Variants in CD1D observed in about 807,000 individuals in gnomAD.
CD1D encodes the protein CD1d molecule.
Under a neutral mutation model 42.1 loss-of-function variants are expected in CD1D, and 40 were observed. The observed-to-expected ratio is 0.95, with a 90% CI of 0.74 to 1.24. The LOEUF is 1.24. CD1D is among the 50% of genes most tolerant of loss of function. The pLI is 0.00. For missense variants in CD1D, 437 were observed against 416.5 expected, an observed-to-expected ratio of 1.05 and a Z score of -0.43; for synonymous variants, 178 against 171.8, an observed-to-expected ratio of 1.04 and a Z score of -0.28.
chr1:158,182,290 A>G lies in CD1D; in HGVS notation c.587A>G (p.Lys196Arg), dbSNP rs773729311. 2.5e-5 allele frequency: 41 copies of G among 1,614,046 alleles called. No homozygotes were observed. The East Asian group carries it at 8.0e-4, about 32-fold the overall frequency. ...QFVSGLLESG[K>R]SELKKQVKPK... ...GTCAGTGGCCTCCTTGAGTCAGGGA[A>G]GTCGGAACTGAAGAAGCAAGGTCAG... Residue 196 changes from lysine (K) to arginine (R), a missense_variant, in exon 3 of 6, where the codon AAG becomes AGG. Physicochemically the swap from Lys to Arg is conservative, Grantham distance 26. Transcript: ENST00000674085.
rs1648658699 is a variant in CD1D, at chr1:158,185,313, T to C, written c.*1163T>C. Among the ~76,000 whole-genome samples, 2 of 152,046 alleles carry C rather than the reference T, an allele frequency of 1.3e-5. No homozygotes were observed. The highest frequency in any genetic ancestry group is 2.4e-5 in the African/African-American group (1 of 41,392). On this transcript the variant is annotated 3_prime_UTR_variant, in exon 6 of 6. Transcript: ENST00000674085. ...TAAGTGAGACTTAACGGTTGGAGAG[T>C]GTTTGCTTGAGAAAAGTAACATTTC...
At chr1:158,180,774 T>G, upstream of CD1D, 1 of 311,858 alleles carries the variant, frequency 3.2e-6, no homozygotes, top group Non-Finnish European at 5.9e-6. Context: ...TAAATAATGG[T>G]TGTAAAGCGT....
At position 158,184,142 on chromosome 1, in the gene CD1D, G is replaced by T. The variant is rs777157013; in HGVS notation, c.1000G>T (p.Val334Phe). ...RFKRQTSYQG[V>F]L Reference sequence around the variant, plus strand: ...ATTCTCTCACAGTTCCTATCAGGGCGTCCTGTGACTCGCCTTGCCACATCT... The same window carrying T: ...ATTCTCTCACAGTTCCTATCAGGGCTTCCTGTGACTCGCCTTGCCACATCT... Residue 334 changes from valine to phenylalanine, a missense_variant, in exon 6 of 6, where the codon GTC becomes TTC. By Grantham distance (50) the Val-to-Phe change is conservative. Coordinates refer to ENST00000674085, the MANE Select transcript of CD1D (RefSeq NM_001371762.2). 6 of 1,613,856 alleles carry T rather than the reference G, an allele frequency of 3.7e-6. No individual in the cohort carries two copies. Among genetic ancestry groups the T allele is most frequent in the Non-Finnish European group, 5.1e-6 (6 of 1,179,992 alleles).
At chr1:158,179,186 TTTC>T (rs199958225), upstream of CD1D, among the ~76,000 whole-genome samples, 1,701 of 152,374 alleles carry the variant, frequency 0.011, 30 homozygotes, top group African/African-American at 0.038. Context: ...TATAATTATT[TTTC>T]TTTTTATTTC....
rs900827488 is a variant in CD1D at position 158,185,029 on chromosome 1, AAC to A, written c.*881_*882del. 5 of 152,218 alleles carry A rather than the reference AAC, an allele frequency of 3.3e-5. No individual in the cohort carries two copies. The highest frequency in any genetic ancestry group is 5.9e-5 in the Non-Finnish European group (4 of 68,040). 9.4% of individuals were successfully genotyped at this position (152,218 alleles called of 1,614,324 possible). On this transcript the variant is annotated 3_prime_UTR_variant, in exon 6 of 6. Transcript: ENST00000674085. ...TTCCCAAAACGACAACGGCAACAAC[AAC>A]AGTCTCCTTTACTTACAGCTATTAA...
chr1:158,180,767 A>C (rs1215291387), upstream of CD1D: 1 of 297,018 alleles, frequency 3.4e-6, no homozygotes, highest in Non-Finnish European at 6.2e-6. Flanking sequence ...CAAAACATAA[A>C]TAATGGTTGT....
In CD1D at chr1:158,182,073, C is replaced by G; in HGVS notation, c.370C>G (p.Pro124Ala). 1 of 1,613,572 alleles carries G rather than the reference C, an allele frequency of 6.2e-7. No individual in the cohort carries two copies. Among genetic ancestry groups the G allele is most frequent in the Non-Finnish European group, 8.5e-7 (1 of 1,179,666 alleles). ...LQVSAGCEVH[P>A]GNASNNFFHV... ...GGTGTCCGCTGGCTGTGAGGTGCAC[C>G]CTGGGAACGCCTCAAATAACTTCTT... The change falls in exon 3 of 6, where the codon CCT becomes GCT. Residue 124 changes from proline to alanine, a missense_variant. Physicochemically the swap from Pro to Ala is conservative, Grantham distance 27. Coordinates refer to ENST00000674085, the MANE Select transcript of CD1D (RefSeq NM_001371762.2).
Position 158,181,097 on chromosome 1 carries a change from G to A in CD1D, c.-5G>A, listed in dbSNP as rs887258415. On this transcript the variant is annotated 5_prime_UTR_variant, in exon 1 of 6. Coordinates refer to ENST00000674085, the MANE Select transcript of CD1D (RefSeq NM_001371762.2). ...GCGCTCCGCGAGGTCCCCACGCCGG[G>A]CGATATGGGGTGCCTGCTGTTTCTG... 1.2e-5 allele frequency: 18 copies of A among 1,545,916 alleles called. No individual in the cohort carries two copies. The highest frequency in any genetic ancestry group is 4.0e-5 in the Admixed American group (2 of 50,524).
At position 158,182,131 on chromosome 1, in the gene CD1D, G is replaced by T. The variant is rs1308853719; in HGVS notation, c.428G>T (p.Ser143Ile). 1.2e-6 allele frequency: 2 copies of T among 1,614,178 alleles called. No individual in the cohort carries two copies. Among genetic ancestry groups the T allele is most frequent in the Non-Finnish European group, 8.5e-7 (1 of 1,180,032 alleles). ...HVAFQGKDILSFQGTSWEPTQ... is the reference protein window; with the variant it reads ...HVAFQGKDILIFQGTSWEPTQ... ...GCATTTCAAGGAAAAGATATCCTGA[G>T]TTTCCAAGGAACTTCTTGGGAGCCA... The change falls in exon 3 of 6, where the codon AGT becomes ATT. Residue 143 changes from serine (S) to isoleucine (I), a missense_variant. Physicochemically the swap from Ser to Ile is moderately radical, Grantham distance 142. Transcript: ENST00000674085.
upstream of CD1D, chr1:158,180,827 G>A: frequency 2.5e-6 from 1 of 393,182 alleles, no homozygotes; most frequent in Non-Finnish European, 4.5e-6. Flanking sequence ...AGGAAATTGA[G>A]ACACGCCGGT....
chr1:158,180,957 C>G lies in CD1D; in HGVS notation c.-145C>G. 1 of 683,484 alleles carries G rather than the reference C, an allele frequency of 1.5e-6. No individual in the cohort carries two copies. The highest frequency in any genetic ancestry group is 2.2e-6 in the Non-Finnish European group (1 of 450,298). The allele number at this position is 683,484 out of a possible 1,614,324, so 42.3% of individuals were successfully genotyped here. A position where few individuals can be genotyped will look rare whatever the true frequency, so the allele number is the denominator to read the frequency against. On this transcript the variant is annotated 5_prime_UTR_variant, in exon 1 of 6. Transcript: ENST00000674085. The stretch of plus-strand genomic sequence containing the variant: ...AGAAGCAGCAAACCGCCGGCAAGCC[C>G]AGCGAGGAGGGCTGCCGGGGTCTGG...
At position 158,185,764 on chromosome 1, in the gene CD1D, G is replaced by C. The variant is rs184481525; in HGVS notation, c.*1614G>C. ...GACCAACAGCCTCAGCAGGACCTGGGAACTTGTTATAAATGCAAATTGTTT... is the reference window on the plus strand; with the variant it reads ...GACCAACAGCCTCAGCAGGACCTGGCAACTTGTTATAAATGCAAATTGTTT... On this transcript the variant is annotated 3_prime_UTR_variant, in exon 6 of 6. Coordinates refer to ENST00000674085, the MANE Select transcript of CD1D (RefSeq NM_001371762.2). Among the ~76,000 whole-genome samples the C allele has an allele frequency of 6.6e-6, 1 of 152,264 alleles. No homozygotes were observed. The highest frequency in any genetic ancestry group is 1.9e-4 in the East Asian group (1 of 5,184).
At chr1:158,181,804 C>T (rs1185133001) in intron 2 of CD1D, 83 bp downstream of exon 2, 1 of 1,530,082 alleles carries the variant, frequency 6.5e-7, no homozygotes, top group Admixed American at 1.7e-5. Flanking sequence ...TGTGGCACCA[C>T]CTGATGAGAT....
Position 158,182,858 on chromosome 1 carries a change from C to A in CD1D, c.608-20C>A. On this transcript the variant is annotated intron_variant, in intron 3 of 5. Transcript: ENST00000674085. ...AGAGTTTTCACTTTAAGATCCCCCC[C>A]ATTCCCTTGTTGGATACAGTGAAGC... The A allele has an allele frequency of 1.3e-6, 2 of 1,582,902 alleles. No individual in the cohort carries two copies. Among genetic ancestry groups the A allele is most frequent in the Non-Finnish European group, 1.7e-6 (2 of 1,162,872 alleles).
At chr1:158,181,922 C>A in intron 2 of CD1D, 110 bp from the exon 3 acceptor site, 1 of 1,427,108 alleles carries the variant, frequency 7.0e-7, no homozygotes, top group Non-Finnish European at 9.5e-7. Flanking sequence ...CACTTACTTT[C>A]CTTTCCCTGA....
In CD1D at chr1:158,181,179, C is replaced by T. The variant is rs750404873; in HGVS notation, c.61+17C>T. 7.8e-6 allele frequency: 12 copies of T among 1,548,234 alleles called. No individual in the cohort carries two copies. The highest frequency in any genetic ancestry group is 4.3e-4 in the Middle Eastern group (2 of 4,610). On this transcript the variant is annotated intron_variant, in intron 1 of 5. Transcript: ENST00000674085. ...GCGCTGAAGGTGGGTGGAACGAGGG[C>T]GCTTGAGTGCACTCGCGGGAGGGCG...
In CD1D at chr1:158,183,981, C is replaced by T. The variant is rs764487486; in HGVS notation, c.932C>T (p.Ala311Val). 20 of 1,614,088 alleles carry T rather than the reference C, an allele frequency of 1.2e-5. No homozygotes were observed. Among genetic ancestry groups the T allele is most frequent in the Admixed American group, 8.3e-5 (5 of 60,006 alleles). Residue 311 changes from alanine to valine, a missense_variant, in exon 5 of 6, where the codon GCG (alanine) becomes GTG (valine). Physicochemically the swap from Ala to Val is moderately conservative, Grantham distance 64. Transcript: ENST00000674085. Reference sequence around the variant, plus strand: ...GGCTTGATTGCCTTGGCAGTCCTGGCGTGCTTGCTGTTCCTCCTCATTGTG... The same window carrying T: ...GGCTTGATTGCCTTGGCAGTCCTGGTGTGCTTGCTGTTCCTCCTCATTGTG... ...SMGLIALAVLACLLFLLIVGF... is the reference protein window; with the variant it reads ...SMGLIALAVLVCLLFLLIVGF...
upstream of CD1D, chr1:158,180,000 G>A (rs927474451): frequency 2.0e-5 from 3 of 152,126 alleles, no homozygotes; most frequent in Admixed American, 6.5e-5. Flanking sequence ...TTAGGGTGAT[G>A]GTGACGGTGG....
At position 158,185,682 on chromosome 1, in the gene CD1D, T is replaced by C. The variant is rs1456725380; in HGVS notation, c.*1532T>C. On this transcript the variant is annotated 3_prime_UTR_variant, in exon 6 of 6. Transcript: ENST00000674085. Reference sequence around the variant, plus strand: ...GTAAGGATGACAGAGGGAGACCCTGTCTTAAAAAAAAATTATGCTAGCTTT... The same window carrying C: ...GTAAGGATGACAGAGGGAGACCCTGCCTTAAAAAAAAATTATGCTAGCTTT... Among the ~76,000 whole-genome samples the C allele has an allele frequency of 6.6e-6, 1 of 152,096 alleles. No individual in the cohort carries two copies. The highest frequency in any genetic ancestry group is 1.5e-5 in the Non-Finnish European group (1 of 68,024).
Sources: allele counts gnomAD v4.1 joint callset (sites outside exome capture counted in the v4.1 genomes callset), GRCh38; gene constraint gnomAD v4.1.1; transcripts MANE v1.5; gene names NCBI Gene and HGNC (gene_info 2026-07-23, HGNC 2026-07-21).